The following TNIK variants were observed in gnomAD, a reference collection of about 807,000 sequenced individuals.
The protein encoded by TNIK is TRAF2 and NCK interacting kinase.
A neutral mutation model predicts 191.3 loss-of-function variants in TNIK; 49 were observed. The ratio of observed to expected loss-of-function variants is 0.26; its 90% confidence interval spans 0.20 to 0.32. TNIK has a LOEUF of 0.32. TNIK is among the 10% of genes least tolerant of loss of function. The probability of loss-of-function intolerance (pLI) is 1.00; values close to 1 mark genes in which losing one functional copy is unlikely to be tolerated. For missense variants in TNIK, 1,155 were observed against 1,702.3 expected (o/e 0.68, Z 5.66); for synonymous variants, 594 against 600.9 (o/e 0.99, Z 0.17).
chr3:171,066,009 C>G (rs1447115020), intron 32 of TNIK, among the ~76,000 whole-genome samples, 178 bp downstream of exon 32: 1 of 152,156 alleles, frequency 6.6e-6, no homozygotes, highest in East Asian at 1.9e-4. Context: ...TAGTTTTTGA[C>G]ATGTGAATAA....
At chr3:171,270,235 C>A (rs1421751737) in intron 2 of TNIK, among the ~76,000 whole-genome samples, 1 of 152,130 alleles carries the variant, frequency 6.6e-6, no homozygotes, top group Non-Finnish European at 1.5e-5. Flanking sequence ...CTGGGGGCAA[C>A]TGGGTCATGA....
chr3:171,175,171 C>T (rs990993815), intron 9 of TNIK, 81 bp downstream of exon 9: 10 of 1,312,840 alleles, frequency 7.6e-6, no homozygotes, highest in Non-Finnish European at 1.1e-5. Flanking sequence ...TCAGCAGGAC[C>T]TAGGGATTAG....
At position 171,358,476 on chromosome 3, in the gene TNIK, C is replaced by A. The variant is rs189982399; in HGVS notation, c.123+11144G>T. Among the ~76,000 whole-genome samples, 838 of 152,134 alleles carry A rather than the reference C, an allele frequency of 5.5e-3. 23 individuals are homozygous for A. The highest frequency in any genetic ancestry group is 0.04 in the Admixed American group (609 of 15,282). ...CACGAGAACAGTATGAGGGAAACTG[C>A]CCCCAGGATTCAATCATCTACACCT... On this transcript the variant is annotated intron_variant, in intron 2 of 32. Coordinates refer to ENST00000436636, the MANE Select transcript of TNIK (RefSeq NM_015028.4).
At chr3:171,189,188 T>C (rs1181581765) in intron 6 of TNIK, among the ~76,000 whole-genome samples, 5 of 152,212 alleles carry the variant, frequency 3.3e-5, no homozygotes, top group African/African-American at 1.2e-4. Context: ...TGTCTTTTTG[T>C]GACTGGCTTA....
At chr3:171,274,537 T>C (rs1194544517) in intron 2 of TNIK, among the ~76,000 whole-genome samples, 1 of 152,110 alleles carries the variant, frequency 6.6e-6, no homozygotes, top group African/African-American at 2.4e-5. Flanking sequence ...ATAAAAATGT[T>C]ATAATATAAG....
rs369728487 is a variant in TNIK, at chr3:171,351,146, C to T, written c.123+18474G>A. On this transcript the variant is annotated intron_variant, in intron 2 of 32. Coordinates refer to ENST00000436636, the MANE Select transcript of TNIK (RefSeq NM_015028.4). Reference sequence around the variant, plus strand: ...GCTCAGGCAATTCACCCACCTCGGCCTCCCAAAGCGCTAGGATTACAGGCC... The same window carrying T: ...GCTCAGGCAATTCACCCACCTCGGCTTCCCAAAGCGCTAGGATTACAGGCC... Among the ~76,000 whole-genome samples the T allele has an allele frequency of 1.7e-4, 26 of 152,234 alleles. No individual in the cohort carries two copies. In the South Asian group the frequency reaches 5.2e-3, roughly 30 times the overall value.
Position 171,326,080 on chromosome 3 carries a change from T to C in TNIK, c.123+43540A>G, listed in dbSNP as rs372042394. Among the ~76,000 whole-genome samples, 114 of 152,206 alleles carry C rather than the reference T, an allele frequency of 7.5e-4. 3 individuals are homozygous for C. The South Asian group carries it at 0.023, about 31-fold the overall frequency. Reference sequence around the variant, plus strand: ...TGTTATGTGGCAGGGAAGAGGAGAATTGGAAATGTTTCCAATATCAAGATT... The same window carrying C: ...TGTTATGTGGCAGGGAAGAGGAGAACTGGAAATGTTTCCAATATCAAGATT... On this transcript the variant is annotated intron_variant, in intron 2 of 32. Coordinates refer to ENST00000436636, the MANE Select transcript of TNIK (RefSeq NM_015028.4).
chr3:171,309,487 C>G (rs1210604572), intron 2 of TNIK, among the ~76,000 whole-genome samples: 1 of 152,114 alleles, frequency 6.6e-6, no homozygotes, highest in Admixed American at 6.6e-5. Context: ...ATAATATGTA[C>G]ACCAAACCCC....
chr3:171,453,668 T>C (rs964496760), intron 1 of TNIK, among the ~76,000 whole-genome samples: 2 of 152,006 alleles, frequency 1.3e-5, no homozygotes, highest in African/African-American at 2.4e-5. Context: ...AGAAGGCTGG[T>C]GGTAGAGACA....
intron 2 of TNIK, among the ~76,000 whole-genome samples, chr3:171,289,941 G>C (rs1040764088): frequency 2.0e-5 from 3 of 151,688 alleles, no homozygotes; most frequent in African/African-American, 7.3e-5. Context: ...AAAGGCCTCG[G>C]TTTAGGTCTG....
At chr3:171,423,826 A>C (rs891009855) in intron 1 of TNIK, among the ~76,000 whole-genome samples, 1 of 152,226 alleles carries the variant, frequency 6.6e-6, no homozygotes, top group Non-Finnish European at 1.5e-5. Flanking sequence ...TTATACAAAA[A>C]TTAATTCAAG....
chr3:171,321,175 AC>A (rs1389228817), intron 2 of TNIK, among the ~76,000 whole-genome samples: 3 of 152,248 alleles, frequency 2.0e-5, no homozygotes, highest in Non-Finnish European at 4.4e-5. Flanking sequence ...TCATGCATAT[AC>A]TTTCAAAAGC....
chr3:171,081,278 T>C (rs964065462), intron 27 of TNIK, among the ~76,000 whole-genome samples: 2 of 151,940 alleles, frequency 1.3e-5, no homozygotes, highest in Non-Finnish European at 2.9e-5. Context: ...AGAGGAAGTT[T>C]AGTGACAAGC....
At chr3:171,324,384 G>T (rs901330444) in intron 2 of TNIK, among the ~76,000 whole-genome samples, 3 of 152,090 alleles carry the variant, frequency 2.0e-5, no homozygotes, top group African/African-American at 4.8e-5. Flanking sequence ...AAGCATAAAA[G>T]GTCTCTAGAG....
At chr3:171,183,252 C>A (rs567870943) in intron 7 of TNIK, among the ~76,000 whole-genome samples, 1 of 152,296 alleles carries the variant, frequency 6.6e-6, no homozygotes, top group South Asian at 2.1e-4. Context: ...TCCCTGCTGG[C>A]AGAGCCTGAT....
At chr3:171,376,668 G>A (rs548211649) in intron 1 of TNIK, among the ~76,000 whole-genome samples, 1 of 151,926 alleles carries the variant, frequency 6.6e-6, no homozygotes, top group Non-Finnish European at 1.5e-5. Flanking sequence ...TCATTAACCT[G>A]CTGGCCCAAA....
chr3:171,441,455 G>T (rs1268957887), intron 1 of TNIK, among the ~76,000 whole-genome samples: 1 of 152,136 alleles, frequency 6.6e-6, no homozygotes, highest in Admixed American at 6.5e-5. Context: ...ACATTTTGAG[G>T]TTCATGCATG....
intron 9 of TNIK, among the ~76,000 whole-genome samples, chr3:171,172,048 A>G (rs984171463): frequency 1.3e-5 from 2 of 152,146 alleles, no homozygotes; most frequent in African/African-American, 4.8e-5. Flanking sequence ...GGCTCCTGTG[A>G]GTGGTGGTGG....
At chr3:171,156,863 T>A (rs918299022) in intron 12 of TNIK, among the ~76,000 whole-genome samples, 4 of 152,238 alleles carry the variant, frequency 2.6e-5, no homozygotes, top group African/African-American at 9.6e-5. Flanking sequence ...CAGGTCCTAC[T>A]CTTCCATACT....
Sources: allele counts gnomAD v4.1 joint callset (sites outside exome capture counted in the v4.1 genomes callset), GRCh38; gene constraint gnomAD v4.1.1; transcripts MANE v1.5; gene names NCBI Gene and HGNC (gene_info 2026-07-23, HGNC 2026-07-21).